Variants in RSPO2 observed in about 807,000 individuals in gnomAD.
The protein encoded by RSPO2 is R-spondin 2, also known as R-spondin-2.
RSPO2 carries 14 observed loss-of-function variants against 30.9 expected under a neutral mutation model. The observed-to-expected ratio is 0.45, with a 90% CI of 0.30 to 0.71. The LOEUF (loss-of-function observed/expected upper bound fraction) is 0.71, where lower values mean the gene tolerates loss of function less well. RSPO2 is among the 30% of genes least tolerant of loss of function. RSPO2 has a pLI of 0.08. For synonymous variants in RSPO2, 107 were observed against 96.4 expected (o/e 1.11, Z -0.64); for missense variants, 264 against 301.9 (o/e 0.87, Z 0.93).
intron 2 of RSPO2, among the ~76,000 whole-genome samples, chr8:108,067,701 C>T (rs775218170): frequency 2.0e-5 from 3 of 152,194 alleles, no homozygotes; most frequent in Non-Finnish European, 4.4e-5. Context: ...GACACTCTAC[C>T]ACCAGAAGCC....
intron 5 of RSPO2, among the ~76,000 whole-genome samples, chr8:107,911,846 C>T (rs1282216596): frequency 6.6e-6 from 1 of 152,068 alleles, no homozygotes; most frequent in South Asian, 2.1e-4. Flanking sequence ...CCTTTGATCT[C>T]GTAATCATTT....
chr8:107,941,590 G>A (rs2130375732), intron 5 of RSPO2, among the ~76,000 whole-genome samples: 2 of 152,212 alleles, frequency 1.3e-5, no homozygotes, highest in South Asian at 4.1e-4. Context: ...AATTACTTAA[G>A]ATATAAAATA....
chr8:108,034,739 G>A (rs1811538434), intron 2 of RSPO2, among the ~76,000 whole-genome samples: 1 of 152,164 alleles, frequency 6.6e-6, no homozygotes, highest in Non-Finnish European at 1.5e-5. Context: ...AGATTTTGCT[G>A]TGCCCTGGTT....
chr8:108,080,254 G>T (rs936307615), intron 2 of RSPO2, among the ~76,000 whole-genome samples: 6 of 152,152 alleles, frequency 3.9e-5, no homozygotes, highest in Non-Finnish European at 8.8e-5. Context: ...ACCCTTTGTT[G>T]GTACAGATAG....
chr8:107,968,928 A>G (rs1329311745), intron 3 of RSPO2, among the ~76,000 whole-genome samples: 1 of 152,164 alleles, frequency 6.6e-6, no homozygotes, highest in Non-Finnish European at 1.5e-5. Context: ...CCCACTGTCT[A>G]GAGTACACTT....
At chr8:108,064,408 A>G (rs1812586860) in intron 2 of RSPO2, among the ~76,000 whole-genome samples, 1 of 152,272 alleles carries the variant, frequency 6.6e-6, no homozygotes, top group Non-Finnish European at 1.5e-5. Flanking sequence ...TGTAGCCAAC[A>G]GGCACATGAA....
chr8:107,954,296 A>C (rs977732214), intron 5 of RSPO2, among the ~76,000 whole-genome samples: 8 of 152,206 alleles, frequency 5.3e-5, no homozygotes, highest in Non-Finnish European at 7.3e-5. Flanking sequence ...TTGTTCTTCC[A>C]TGTGTCATTT....
chr8:107,964,816 C>G (rs1813744201), intron 3 of RSPO2, among the ~76,000 whole-genome samples: 1 of 152,170 alleles, frequency 6.6e-6, no homozygotes, highest in Non-Finnish European at 1.5e-5. Flanking sequence ...CATATCAACT[C>G]TATTAACTCA....
intron 3 of RSPO2, among the ~76,000 whole-genome samples, chr8:107,981,419 A>T (rs907751279): frequency 3.4e-4 from 52 of 152,070 alleles, no homozygotes; most frequent in African/African-American, 1.2e-3. Flanking sequence ...TACTTGGTGC[A>T]CTGAGGCACG....
intron 2 of RSPO2, among the ~76,000 whole-genome samples, chr8:108,062,426 A>C (rs532920970): frequency 3.3e-5 from 5 of 151,906 alleles, no homozygotes; most frequent in African/African-American, 1.2e-4. Context: ...CAAATAAACT[A>C]GGAAATCTAG....
intron 3 of RSPO2, among the ~76,000 whole-genome samples, chr8:107,971,651 G>A (rs994426194): frequency 3.3e-5 from 5 of 152,144 alleles, no homozygotes; most frequent in South Asian, 4.1e-4. Context: ...ATCCATACAG[G>A]TGCTACAGAT....
chr8:107,967,716 T>C (rs1050131943), intron 3 of RSPO2, among the ~76,000 whole-genome samples: 8 of 152,250 alleles, frequency 5.3e-5, no homozygotes, highest in African/African-American at 1.9e-4. Context: ...ATAGTTGGTA[T>C]AGGATAAAAT....
At chr8:108,033,284 T>C (rs151163252) in intron 2 of RSPO2, among the ~76,000 whole-genome samples, 58 of 152,280 alleles carry the variant, frequency 3.8e-4, no homozygotes, top group Middle Eastern at 3.4e-3. Flanking sequence ...ATGTCATCAA[T>C]GTGAGCGGAT....
Position 108,056,322 on chromosome 8 carries a change from C to T in RSPO2, c.94+26223G>A, listed in dbSNP as rs572259267. The stretch of plus-strand genomic sequence containing the variant: ...GCAACAACAACAACAACAAAACCTA[C>T]GCTTGGGCCCAATCTTGTAAGCATA... On this transcript the variant is annotated intron_variant, in intron 2 of 5. Transcript: ENST00000276659. Among the ~76,000 whole-genome samples the T allele has an allele frequency of 1.6e-4, 25 of 152,144 alleles. No homozygotes were observed. In the South Asian group the frequency reaches 2.9e-3, roughly 18 times the overall value.
intron 2 of RSPO2, among the ~76,000 whole-genome samples, chr8:108,049,294 ATTCATT>A (rs1387121058): frequency 4.6e-5 from 7 of 152,016 alleles, no homozygotes; most frequent in Non-Finnish European, 1.0e-4. Context: ...CACACGATAT[ATTCATT>A]TTCATCTACC....
rs749789093 is a variant in RSPO2 at position 108,011,351 on chromosome 8, A to T, written c.95-22107T>A. Among the ~76,000 whole-genome samples, 241 of 152,174 alleles carry T rather than the reference A, an allele frequency of 1.6e-3. 2 individuals are homozygous for T. Among genetic ancestry groups the T allele is most frequent in the Middle Eastern group, 3.4e-3 (1 of 294 alleles). On this transcript the variant is annotated intron_variant, in intron 2 of 5. Coordinates refer to ENST00000276659, the MANE Select transcript of RSPO2 (RefSeq NM_178565.5). ...AAATCGTAAATTATATTTATATTTT[A>T]AAAAATCTTGCAAAAAAGACAAAAA...
chr8:108,055,508 G>A (rs1324904882), intron 2 of RSPO2, among the ~76,000 whole-genome samples: 3 of 152,140 alleles, frequency 2.0e-5, no homozygotes, highest in East Asian at 1.9e-4. Context: ...AAGATCAGTG[G>A]GAAGGCCATG....
chr8:107,962,942 T>G (rs1249281718), intron 3 of RSPO2, among the ~76,000 whole-genome samples: 1 of 152,194 alleles, frequency 6.6e-6, no homozygotes, highest in Non-Finnish European at 1.5e-5. Context: ...GGAATTAATT[T>G]TACCAGGCCC....
At chr8:107,990,527 A>G (rs1171531419) in intron 2 of RSPO2, among the ~76,000 whole-genome samples, 1 of 152,194 alleles carries the variant, frequency 6.6e-6, no homozygotes, top group East Asian at 1.9e-4. Flanking sequence ...TAAGGAGAAC[A>G]ACAAAACACT....
Sources: gnomAD v4.1 joint callset for allele counts (sites outside exome capture counted in the v4.1 genomes callset) on GRCh38, gnomAD v4.1.1 for gene constraint, MANE v1.5 for transcripts, NCBI Gene and HGNC (gene_info 2026-07-23, HGNC 2026-07-21) for gene names.